Variants in APBB2 observed in about 807,000 individuals in gnomAD.
The protein encoded by APBB2 is amyloid beta precursor protein binding family B member 2, also known as Fe65-like 1.
A neutral mutation model predicts 82.5 loss-of-function variants in APBB2; 38 were observed. The observed-to-expected ratio is 0.46, with a 90% CI of 0.36 to 0.60. APBB2 has a LOEUF of 0.60. Ranked by LOEUF, APBB2 falls within the 20% of genes least tolerant of loss-of-function variation. APBB2 has a pLI of 0.00. For synonymous variants in APBB2, 341 were observed against 368.2 expected (o/e 0.93, Z 0.85); for missense variants, 772 against 972.3 (o/e 0.79, Z 2.74).
At chr4:40,890,547 CGT>C (rs1771702696) in intron 11 of APBB2, 56 bp from the exon 12 acceptor site, 2 of 1,598,118 alleles carry the variant, frequency 1.3e-6, no homozygotes, top group Non-Finnish European at 8.5e-7. Flanking sequence ...AAAGCCTAAT[CGT>C]GTGTGTGGCC....
intron 6 of APBB2, among the ~76,000 whole-genome samples, chr4:40,998,412 A>G (rs140149742): frequency 8.5e-5 from 13 of 152,334 alleles, no homozygotes; most frequent in Admixed American, 3.3e-4. Context: ...AAACAAGCTT[A>G]TTATTATCAT....
chr4:41,194,629 A>G, intron 1 of APBB2, among the ~76,000 whole-genome samples: 1 of 152,170 alleles, frequency 6.6e-6, no homozygotes, highest in Non-Finnish European at 1.5e-5. Flanking sequence ...ATGTCACCGC[A>G]CTCTAGCCTT....
chr4:40,951,498 C>T (rs556184615), intron 6 of APBB2, among the ~76,000 whole-genome samples: 4 of 152,368 alleles, frequency 2.6e-5, no homozygotes, highest in South Asian at 2.1e-4. Context: ...AGACGCGATA[C>T]GGCTCAGTGC....
At chr4:41,108,156 A>T (rs1747925391) in intron 2 of APBB2, among the ~76,000 whole-genome samples, 1 of 152,172 alleles carries the variant, frequency 6.6e-6, no homozygotes, top group Non-Finnish European at 1.5e-5. Flanking sequence ...AGACACAAAA[A>T]AACAGAAGAG....
At chr4:41,113,789 G>A (rs1560787070) in intron 2 of APBB2, among the ~76,000 whole-genome samples, 1 of 151,968 alleles carries the variant, frequency 6.6e-6, no homozygotes, top group Admixed American at 6.6e-5. Flanking sequence ...AAGTATTGAG[G>A]GTTAAAATGT....
chr4:40,845,117 A>T (rs1216402983), intron 12 of APBB2, among the ~76,000 whole-genome samples: 1 of 152,248 alleles, frequency 6.6e-6, no homozygotes, highest in African/African-American at 2.4e-5. Context: ...CAGTTAATTC[A>T]TTTGGAGTTA....
chr4:40,993,394 T>C (rs1231693536), intron 6 of APBB2, among the ~76,000 whole-genome samples: 1 of 132,316 alleles, frequency 7.6e-6, no homozygotes, highest in Non-Finnish European at 1.6e-5. Context: ...TTAACAAAAA[T>C]GTTTTTTGAG....
chr4:41,048,676 TACGGTCTCCCTCTCCCTCTCCTTCC>T (rs1371633544), intron 4 of APBB2, among the ~76,000 whole-genome samples: 125 of 87,492 alleles, frequency 1.4e-3, no homozygotes, highest in African/African-American at 4.9e-3. Context: ...CCGTCTCCCC[TACGGTCTCCCTCTCCCTCTCCTTCC>T]ACGGTCTCCC....
chr4:40,868,136 G>A (rs924357568), intron 12 of APBB2, among the ~76,000 whole-genome samples: 5 of 151,828 alleles, frequency 3.3e-5, no homozygotes, highest in African/African-American at 1.2e-4. Context: ...GGCATTACAG[G>A]GTGAGCCACC....
intron 2 of APBB2, among the ~76,000 whole-genome samples, chr4:41,104,122 G>T (rs893786940): frequency 6.6e-6 from 1 of 152,128 alleles, no homozygotes; most frequent in African/African-American, 2.4e-5. Flanking sequence ...ACAAGATCAA[G>T]ATTAAACAAA....
At chr4:40,945,647 C>T (rs750102019) in intron 6 of APBB2, among the ~76,000 whole-genome samples, 4 of 152,120 alleles carry the variant, frequency 2.6e-5, no homozygotes, top group Non-Finnish European at 5.9e-5. Context: ...GAGTCTTGCT[C>T]TGTCACCCAG....
At chr4:40,926,941 G>A (rs1423216038) in intron 10 of APBB2, among the ~76,000 whole-genome samples, 2 of 152,186 alleles carry the variant, frequency 1.3e-5, no homozygotes, top group Non-Finnish European at 2.9e-5. Context: ...AGAGGGGAGG[G>A]CACACACACA....
At chr4:40,880,500 T>C (rs1768169490) in intron 12 of APBB2, 2 of 985,294 alleles carry the variant, frequency 2.0e-6, no homozygotes, top group South Asian at 9.4e-5. Context: ...TCTGCATAAG[T>C]TCTGGGTTAT....
intron 7 of APBB2, among the ~76,000 whole-genome samples, chr4:40,939,417 C>A (rs551533685): frequency 1.8e-4 from 27 of 152,238 alleles, no homozygotes; most frequent in Non-Finnish European, 4.4e-5. Flanking sequence ...ACGATCTAGT[C>A]TTTCCACGAA....
intron 6 of APBB2, among the ~76,000 whole-genome samples, chr4:40,976,320 G>T (rs1352808282): frequency 6.6e-6 from 1 of 152,040 alleles, no homozygotes; most frequent in Non-Finnish European, 1.5e-5. Context: ...AGTTTAAAAT[G>T]GTGCTTATTT....
At chr4:41,078,416 A>G (rs1004132954) in intron 3 of APBB2, among the ~76,000 whole-genome samples, 6 of 152,250 alleles carry the variant, frequency 3.9e-5, no homozygotes, top group African/African-American at 1.4e-4. Flanking sequence ...TTCATCAATG[A>G]AACATATAAA....
At chr4:40,984,126 G>C (rs1292545976) in intron 6 of APBB2, among the ~76,000 whole-genome samples, 1 of 152,178 alleles carries the variant, frequency 6.6e-6, no homozygotes, top group Non-Finnish European at 1.5e-5. Context: ...ATGGCCGGAT[G>C]AGGTTTGGAA....
intron 5 of APBB2, among the ~76,000 whole-genome samples, chr4:41,021,987 G>C (rs780962670): frequency 2.0e-5 from 3 of 152,070 alleles, no homozygotes; most frequent in Non-Finnish European, 4.4e-5. Context: ...CTGGAAGAAA[G>C]AAACTCTGGA....
intron 2 of APBB2, among the ~76,000 whole-genome samples, chr4:41,138,718 C>A (rs1292765833): frequency 6.6e-6 from 1 of 152,158 alleles, no homozygotes; most frequent in Non-Finnish European, 1.5e-5. Context: ...CTTTGTATTT[C>A]TCACATCACA....
Sources: gnomAD v4.1 joint callset for allele counts (sites outside exome capture counted in the v4.1 genomes callset) on GRCh38, gnomAD v4.1.1 for gene constraint, MANE v1.5 for transcripts, NCBI Gene and HGNC (gene_info 2026-07-23, HGNC 2026-07-21) for gene names.